The following ZCCHC2 variants were observed in gnomAD, a reference collection of about 807,000 sequenced individuals.
The protein encoded by ZCCHC2 is zinc finger CCHC domain-containing protein 2.
Under a neutral mutation model 103.6 loss-of-function variants are expected in ZCCHC2, and 39 were observed. The observed-to-expected ratio is 0.38, with a 90% confidence interval of 0.29 to 0.49. ZCCHC2 has a LOEUF of 0.49. Ranked by LOEUF, ZCCHC2 falls within the 20% of genes least tolerant of loss-of-function variation. The pLI is 0.96. For missense variants in ZCCHC2, 1,483 were observed against 1,491.0 expected, an observed-to-expected ratio of 0.99 and a Z score of 0.09; for synonymous variants, 687 against 608.9, an observed-to-expected ratio of 1.13 and a Z score of -1.89.
Position 62,564,596 on chromosome 18 carries a change from C to G in ZCCHC2, c.1712C>G (p.Ser571Cys). The stretch of plus-strand genomic sequence containing the variant: ...CATTCTGCTGAAAAACGGAGTTTAT[C>G]TTCAATAAATAAGAAGAAAGGAAAG... ...DQHSAEKRSL[S>C]SINKKKGKPQ... The change falls in exon 10 of 14, where the codon TCT becomes TGT. Residue 571 changes from serine to cysteine, a missense_variant. Coordinates refer to ENST00000269499, the MANE Select transcript of ZCCHC2 (RefSeq NM_017742.6). The G allele has an allele frequency of 6.5e-7, 1 of 1,543,188 alleles. No individual in the cohort carries two copies. Among genetic ancestry groups the G allele is most frequent in the Non-Finnish European group, 8.7e-7 (1 of 1,142,892 alleles).
chr18:62,583,943 G>A (rs939285673), intron 14 of ZCCHC2, among the ~76,000 whole-genome samples: 1 of 152,126 alleles, frequency 6.6e-6, no homozygotes, highest in Non-Finnish European at 1.5e-5. Flanking sequence ...TGCAGAGAGA[G>A]GACAGGCCAG....
chr18:62,568,891 TCAAG>T (rs1916479645), intron 11 of ZCCHC2, among the ~76,000 whole-genome samples: 1 of 152,248 alleles, frequency 6.6e-6, no homozygotes, highest in African/African-American at 2.4e-5. Context: ...TAGCTTGTCT[TCAAG>T]CAGCCATTGG....
At chr18:62,529,391 C>G (rs1407098834) in intron 1 of ZCCHC2, among the ~76,000 whole-genome samples, 1 of 152,102 alleles carries the variant, frequency 6.6e-6, no homozygotes, top group African/African-American at 2.4e-5. Context: ...GTGTCTGGTT[C>G]ATGGTCTTCA....
chr18:62,565,199 T>C, intron 11 of ZCCHC2, 103 bp downstream of exon 11: 1 of 837,164 alleles, frequency 1.2e-6, no homozygotes, highest in East Asian at 2.6e-5. Context: ...ATCCTAATAC[T>C]ATAAGTTTAC....
intron 3 of ZCCHC2, among the ~76,000 whole-genome samples, chr18:62,542,991 C>T (rs181724993): frequency 2.0e-5 from 3 of 152,106 alleles, no homozygotes; most frequent in South Asian, 2.1e-4. Context: ...TTTTGGTGCC[C>T]GTCCTTTCCA....
intron 4 of ZCCHC2, among the ~76,000 whole-genome samples, chr18:62,546,697 G>A (rs186936093): frequency 4.0e-4 from 61 of 152,334 alleles, no homozygotes; most frequent in Non-Finnish European, 1.0e-4. Context: ...CTGGCGCATG[G>A]AGTCTGCCTT....
rs914476485 is a variant in ZCCHC2, at chr18:62,578,499, G to A, written c.*1920G>A. ...TATTTGAAATGTTATGTACTGGAAA[G>A]GCCACTTATATTTCTAGAACAGATT... On this transcript the variant is annotated 3_prime_UTR_variant, in exon 14 of 14. Coordinates refer to ENST00000269499, the MANE Select transcript of ZCCHC2 (RefSeq NM_017742.6). The A allele has an allele frequency of 6.6e-6, 1 of 152,554 alleles. No homozygotes were observed. Among genetic ancestry groups the A allele is most frequent in the African/African-American group, 2.4e-5 (1 of 41,398 alleles). The allele number at this position is 152,554 out of a possible 1,614,324, so 9.5% of individuals were successfully genotyped here. A position where few individuals can be genotyped will look rare whatever the true frequency, so the allele number is the denominator to read the frequency against.
chr18:62,542,403 G>A, intron 2 of ZCCHC2, 95 bp from the exon 3 acceptor site: 1 of 850,958 alleles, frequency 1.2e-6, no homozygotes, highest in South Asian at 1.9e-5. Context: ...TAGCTTAATT[G>A]TTAAGCACTT....
chr18:62,579,951 G>A (rs949716497), downstream of ZCCHC2, among the ~76,000 whole-genome samples: 1 of 151,872 alleles, frequency 6.6e-6, no homozygotes, highest in Non-Finnish European at 1.5e-5. Flanking sequence ...GGCTGGTCTC[G>A]AACTCCTGAC....
At chr18:62,531,607 A>G (rs1914676977) in intron 1 of ZCCHC2, among the ~76,000 whole-genome samples, 1 of 152,080 alleles carries the variant, frequency 6.6e-6, no homozygotes, top group Non-Finnish European at 1.5e-5. Context: ...TATATGTATT[A>G]TTCATAGAGC....
Position 62,524,318 on chromosome 18 carries a change from G to A in ZCCHC2, c.894G>A (p.Ala298=), listed in dbSNP as rs1598920880. 6.5e-7 allele frequency: 1 copy of A among 1,547,928 alleles called. No individual in the cohort carries two copies. ...CGCTCCGCGGGGGCCCCGAGGACGC[G>A]GAGGTGGAGGTAGAGCCGTGCAAGT... ...RAALRGGPED[A]EVEVEPCKFA... Residue 298 remains alanine, a synonymous_variant, in exon 1 of 14, where the codon GCG becomes GCA. Transcript: ENST00000269499.
At chr18:62,538,287 G>T (rs577142362) in intron 1 of ZCCHC2, among the ~76,000 whole-genome samples, 15 of 146,754 alleles carry the variant, frequency 1.0e-4, no homozygotes, top group Non-Finnish European at 2.1e-4. Context: ...AGAAAGAATT[G>T]GTTAACCTAT....
At position 62,556,247 on chromosome 18, in the gene ZCCHC2, A is replaced by G. The variant is rs1192293456; in HGVS notation, c.1358A>G (p.Lys453Arg). 1.2e-6 allele frequency: 2 copies of G among 1,607,648 alleles called. No individual in the cohort carries two copies. Among genetic ancestry groups the G allele is most frequent in the Middle Eastern group, 1.7e-4 (1 of 6,056 alleles). Residue 453 changes from lysine to arginine, a missense_variant, in exon 6 of 14, where the codon AAA (lysine) becomes AGA (arginine). Lys to Arg is a conservative substitution (Grantham distance 26). This residue lies in a region of ZCCHC2 where 884 missense variants were observed against 907.5 expected (regional missense o/e 0.97). Transcript: ENST00000269499. Reference protein sequence around the residue: ...SSSQAFLQSQKVHSFFQSISS... With the variant: ...SSSQAFLQSQRVHSFFQSISS... ...TCACAAGCTTTTCTACAAAGTCAGA[A>G]AGTACACAGCTTCTTTCAGTCCATA...
At chr18:62,547,648 G>C (rs1339277333) in intron 4 of ZCCHC2, among the ~76,000 whole-genome samples, 1 of 151,238 alleles carries the variant, frequency 6.6e-6, no homozygotes, top group Non-Finnish European at 1.5e-5. Flanking sequence ...AGCAACCTCT[G>C]CCTCCCCAGT....
intron 1 of ZCCHC2, chr18:62,526,028 T>C (rs1914376649): frequency 6.6e-6 from 1 of 152,250 alleles, no homozygotes. Flanking sequence ...ATTCATACTA[T>C]TCCAACAAAG....
intron 6 of ZCCHC2, among the ~76,000 whole-genome samples, chr18:62,556,853 TC>T (rs1915905901): frequency 6.6e-6 from 1 of 152,186 alleles, no homozygotes; most frequent in Non-Finnish European, 1.5e-5. Context: ...TTTCTCAGAT[TC>T]TAGTTTCCCA....
chr18:62,536,261 A>C (rs1468344810), intron 1 of ZCCHC2, among the ~76,000 whole-genome samples: 5 of 152,222 alleles, frequency 3.3e-5, no homozygotes, highest in Non-Finnish European at 7.3e-5. Flanking sequence ...AGGACAGAAG[A>C]AGCTCTGCCT....
At chr18:62,530,837 A>G (rs1914642810) in intron 1 of ZCCHC2, among the ~76,000 whole-genome samples, 1 of 152,218 alleles carries the variant, frequency 6.6e-6, no homozygotes, top group Non-Finnish European at 1.5e-5. Flanking sequence ...GTGCAGTTGT[A>G]ATCTACTTAA....
intron 9 of ZCCHC2, among the ~76,000 whole-genome samples, chr18:62,563,345 G>T (rs1916207790): frequency 6.6e-6 from 1 of 152,138 alleles, no homozygotes; most frequent in Non-Finnish European, 1.5e-5. Context: ...TTTATTGCTT[G>T]TGTAAGATTA....
Sources: allele counts gnomAD v4.1 joint callset (sites outside exome capture counted in the v4.1 genomes callset), GRCh38; gene constraint gnomAD v4.1.1; regional missense constraint gnomAD v4.1.1; transcripts MANE v1.5; gene names NCBI Gene and HGNC (gene_info 2026-07-23, HGNC 2026-07-21).